The following C4orf17 variants were observed in gnomAD, a reference collection of about 807,000 sequenced individuals.
C4orf17 encodes the protein chromosome 4 open reading frame 17, also known as uncharacterized protein C4orf17.
In C4orf17, 25 loss-of-function variants were observed where a neutral mutation model predicts 32.0. The ratio of observed to expected loss-of-function variants is 0.78; its 90% CI spans 0.57 to 1.09. C4orf17 has a LOEUF of 1.09. Among genes scored for constraint, C4orf17 ranks in the 50% least tolerant of loss-of-function variants. The pLI is 0.00. For synonymous variants in C4orf17, 149 were observed against 145.8 expected (o/e 1.02, Z -0.16); for missense variants, 420 against 420.0 (o/e 1.00, Z 0.00).
intron 2 of C4orf17, among the ~76,000 whole-genome samples, chr4:99,520,310 T>C (rs186834686): frequency 2.0e-5 from 3 of 152,236 alleles, no homozygotes; most frequent in Non-Finnish European, 4.4e-5. Context: ...TTAACTAGGA[T>C]GGTCTCGATC....
chr4:99,537,591 T>C, intron 5 of C4orf17, 78 bp from the exon 6 acceptor site: 1 of 1,002,056 alleles, frequency 1.0e-6, no homozygotes, highest in Non-Finnish European at 1.6e-6. Flanking sequence ...GAAGATGGGA[T>C]TCTGGAGAAG....
intron 3 of C4orf17, 121 bp downstream of exon 3, chr4:99,522,830 G>GA: frequency 5.5e-6 from 4 of 723,844 alleles, no homozygotes; most frequent in South Asian, 2.0e-5. Flanking sequence ...TCACTGTGAG[G>GA]AACATAAATT....
At chr4:99,523,296 T>C (rs1234157997) in intron 3 of C4orf17, among the ~76,000 whole-genome samples, 7 of 152,218 alleles carry the variant, frequency 4.6e-5, no homozygotes, top group Admixed American at 4.6e-4. Context: ...GAATTCTGCA[T>C]GGTAGAAATT....
chr4:99,515,075 T>A (rs1847373), intron 2 of C4orf17, among the ~76,000 whole-genome samples: 14,719 of 152,144 alleles, frequency 0.097, 971 homozygotes, highest in African/African-American at 0.18. Context: ...CAGAAGAATG[T>A]TATAATGGAC....
Position 99,541,959 on chromosome 4 carries a change from A to C in C4orf17, c.930A>C (p.Ile310=). 6.2e-7 allele frequency: 1 copy of C among 1,613,984 alleles called. No individual in the cohort carries two copies. Among genetic ancestry groups the C allele is most frequent in the Non-Finnish European group, 8.5e-7 (1 of 1,179,950 alleles). Residue 310 remains isoleucine, a synonymous_variant, in exon 9 of 9, where the codon ATA becomes ATC. Coordinates refer to ENST00000326581, the MANE Select transcript of C4orf17 (RefSeq NM_032149.3). ...TTATAAGAAGAAATAATATGAAAAT[A>C]CCTGTTGCAGAATATTTCAGCAAAC... ...PLLIRRNNMK[I]PVAEYFSKPN... is the part of the protein sequence containing the mutation.
intron 2 of C4orf17, among the ~76,000 whole-genome samples, chr4:99,517,501 C>A (rs776900260): frequency 2.6e-5 from 4 of 152,092 alleles, no homozygotes; most frequent in Non-Finnish European, 5.9e-5. Context: ...ATCTTGACCC[C>A]TTAGCTGCAT....
intron 5 of C4orf17, among the ~76,000 whole-genome samples, chr4:99,531,497 G>A (rs958322634): frequency 6.6e-6 from 1 of 152,056 alleles, no homozygotes; most frequent in African/African-American, 2.4e-5. Flanking sequence ...TATAGAGCTG[G>A]CTTTCTGGGC....
rs537895552 is a variant in C4orf17 at position 99,540,309 on chromosome 4, T to G, written c.837-103T>G. On this transcript the variant is annotated intron_variant, in intron 7 of 8. Transcript: ENST00000326581. ...AAAAACAAAGAATTGGGGTAGCATA[T>G]TTAAGATACATATACACTGAACTTA... 1.3e-5 allele frequency: 9 copies of G among 719,572 alleles called. No individual in the cohort carries two copies. The East Asian group carries it at 2.4e-4, about 19-fold the overall frequency. The allele number at this position is 719,572 out of a possible 1,614,324, so 44.6% of individuals were successfully genotyped here.
At chr4:99,530,527 A>AT (rs34367481) in intron 5 of C4orf17, among the ~76,000 whole-genome samples, 53,702 of 151,892 alleles carry the variant, frequency 0.35, 10,200 homozygotes, top group African/African-American at 0.49. Flanking sequence ...GTCATCTGCC[A>AT]TTTTTTCCTT....
chr4:99,521,374 C>CAA lies in C4orf17; in HGVS notation c.128-1116_128-1115dup, dbSNP rs33958049. ...TGGGCAACAGGGAGAGACTATGTCT[C>CAA]AAAAAAAAAAAGAGTAGATTTTAAT... On this transcript the variant is annotated intron_variant, in intron 2 of 8. Transcript: ENST00000326581. Among the ~76,000 whole-genome samples the CAA allele has an allele frequency of 9.1e-4, 124 of 136,862 alleles. 1 individual carries two copies. Among genetic ancestry groups the CAA allele is most frequent in the Non-Finnish European group, 1.7e-3 (104 of 62,832 alleles). The allele number at this position is 136,862 out of a possible 152,430, so 89.8% of individuals were successfully genotyped here.
chr4:99,532,336 G>T (rs1723490117), intron 5 of C4orf17, among the ~76,000 whole-genome samples: 1 of 152,150 alleles, frequency 6.6e-6, no homozygotes, highest in East Asian at 1.9e-4. Flanking sequence ...TAAAGAAAAT[G>T]TGGTACATAT....
At chr4:99,516,082 C>A (rs948433168) in intron 2 of C4orf17, among the ~76,000 whole-genome samples, 1 of 152,116 alleles carries the variant, frequency 6.6e-6, no homozygotes. Context: ...GTTATTATAA[C>A]TAAAAAATGA....
rs749794334 is a variant in C4orf17, at chr4:99,522,656, G to A, written c.284G>A (p.Arg95Lys). ...ACTGCAGTCCAGGAGAGCCCTGTAA[G>A]AGGAATGTCGCCAGCCCCAAACGGT... Reference protein sequence around the residue: ...SSTAVQESPVRGMSPAPNGAK... With the variant: ...SSTAVQESPVKGMSPAPNGAK... Residue 95 changes from arginine (R) to lysine (K), a missense_variant, in exon 3 of 9, where the codon AGA becomes AAA. Transcript: ENST00000326581. 1 of 1,614,052 alleles carries A rather than the reference G, an allele frequency of 6.2e-7. No individual in the cohort carries two copies.
At position 99,538,012 on chromosome 4, in the gene C4orf17, T is replaced by C. The variant is rs1723589218; in HGVS notation, c.628+262T>C. ...AAACACTTGTGTCCAAGGGCGGTCT[T>C]ATTCTCAGCTAGAGTTGGTTTATGC... On this transcript the variant is annotated intron_variant, in intron 6 of 8. Coordinates refer to ENST00000326581, the MANE Select transcript of C4orf17 (RefSeq NM_032149.3). 1.3e-5 allele frequency among the ~76,000 whole-genome samples: 2 copies of C among 152,200 alleles called. 1 individual carries two copies. The highest frequency in any genetic ancestry group is 4.1e-4 in the South Asian group (2 of 4,830).
intron 5 of C4orf17, among the ~76,000 whole-genome samples, chr4:99,535,311 G>A (rs75983124): frequency 0.012 from 1,841 of 152,180 alleles, 43 homozygotes; most frequent in African/African-American, 0.042. Flanking sequence ...AGTTCTCCTA[G>A]ATGATATCCT....
chr4:99,538,949 T>C (rs1723608038), intron 6 of C4orf17, among the ~76,000 whole-genome samples: 1 of 152,202 alleles, frequency 6.6e-6, no homozygotes, highest in Non-Finnish European at 1.5e-5. Flanking sequence ...CTCAGTGAGT[T>C]AACTACTCTG....
chr4:99,534,724 A>G (rs969154670), intron 5 of C4orf17, among the ~76,000 whole-genome samples: 2 of 152,236 alleles, frequency 1.3e-5, no homozygotes, highest in African/African-American at 4.8e-5. Context: ...TATTTCTCTA[A>G]TGCATTTAGC....
chr4:99,518,708 C>G (rs149718047), intron 2 of C4orf17, among the ~76,000 whole-genome samples: 2 of 150,688 alleles, frequency 1.3e-5, no homozygotes, highest in African/African-American at 4.9e-5. Flanking sequence ...TATGTGGCCT[C>G]ATCTCCTATC....
At chr4:99,524,021 C>T (rs1445474080) in intron 3 of C4orf17, among the ~76,000 whole-genome samples, 2 of 147,516 alleles carry the variant, frequency 1.4e-5, no homozygotes, top group African/African-American at 2.5e-5. Flanking sequence ...GCTCTGTCGC[C>T]CAGCCTGGAG....
Sources: gnomAD v4.1 joint callset for allele counts (sites outside exome capture counted in the v4.1 genomes callset) on GRCh38, gnomAD v4.1.1 for gene constraint, MANE v1.5 for transcripts, NCBI Gene and HGNC (gene_info 2026-07-23, HGNC 2026-07-21) for gene names.